Variants in SLC15A2 observed in about 807,000 individuals in gnomAD.
The protein encoded by SLC15A2 is kidney H(+)/peptide cotransporter.
SLC15A2 carries 77 observed loss-of-function variants against 95.5 expected under a neutral mutation model. The ratio of observed to expected loss-of-function variants is 0.81; its 90% CI spans 0.67 to 0.97. The LOEUF is 0.97. SLC15A2 is among the 50% of genes least tolerant of loss of function. SLC15A2 has a pLI of 0.00. For synonymous variants in SLC15A2, 306 were observed against 306.9 expected (o/e 1.00, Z 0.03); for missense variants, 893 against 874.4 (o/e 1.02, Z -0.27).
In SLC15A2 at chr3:121,942,467, C is replaced by T. The variant is rs1410774798; in HGVS notation, c.*1460C>T. 1 of 152,154 alleles carries T rather than the reference C, an allele frequency of 6.6e-6. No individual in the cohort carries two copies. Among genetic ancestry groups the T allele is most frequent in the African/African-American group, 2.4e-5 (1 of 41,436 alleles). 9.4% of individuals were successfully genotyped at this position (152,154 alleles called of 1,614,324 possible). A position where few individuals can be genotyped will look rare whatever the true frequency, so the allele number is the denominator to read the frequency against. ...ACGTAACAATGTTCATGTTAACAGGCACCTGTTAATATTAACAGATAATGT... is the reference window on the plus strand; with the variant it reads ...ACGTAACAATGTTCATGTTAACAGGTACCTGTTAATATTAACAGATAATGT... On this transcript the variant is annotated 3_prime_UTR_variant, in exon 22 of 22. Transcript: ENST00000489711.
At chr3:121,926,448 G>A (rs1710123836) in intron 13 of SLC15A2, among the ~76,000 whole-genome samples, 1 of 152,120 alleles carries the variant, frequency 6.6e-6, no homozygotes, top group African/African-American at 2.4e-5. Context: ...TGTTTCTCCA[G>A]AGGGTACAAG....
chr3:121,897,882 C>T lies in SLC15A2; in HGVS notation c.335+353C>T, dbSNP rs527465312. ...TCCACCAGCAAATTTCTAATTTTAGCCAGGTGCGGTGGCTCACGCCTGTAA... is the reference window on the plus strand; with the variant it reads ...TCCACCAGCAAATTTCTAATTTTAGTCAGGTGCGGTGGCTCACGCCTGTAA... On this transcript the variant is annotated intron_variant, in intron 3 of 21. Coordinates refer to ENST00000489711, the MANE Select transcript of SLC15A2 (RefSeq NM_021082.4). Among the ~76,000 whole-genome samples the T allele has an allele frequency of 5.3e-5, 8 of 152,252 alleles. No homozygotes were observed. The East Asian group carries it at 1.5e-3, about 29-fold the overall frequency.
At chr3:121,928,621 A>G in intron 15 of SLC15A2, 66 bp downstream of exon 15, 1 of 1,507,302 alleles carries the variant, frequency 6.6e-7, no homozygotes, top group Non-Finnish European at 9.0e-7. Context: ...TTTCCTTAAC[A>G]TTAATTGTAT....
At chr3:121,906,897 G>T (rs529003832) in intron 3 of SLC15A2, among the ~76,000 whole-genome samples, 2 of 152,294 alleles carry the variant, frequency 1.3e-5, no homozygotes, top group African/African-American at 4.8e-5. Flanking sequence ...ATGTTGGCCT[G>T]CCTTGCTAGG....
chr3:121,907,385 G>C (rs1709672129), intron 3 of SLC15A2, among the ~76,000 whole-genome samples: 2 of 152,182 alleles, frequency 1.3e-5, no homozygotes, highest in South Asian at 2.1e-4. Context: ...GTCCAGCTTT[G>C]TTCCATTGCT....
chr3:121,915,602 C>T lies in SLC15A2; in HGVS notation c.620-14C>T. ...CTCAGAGTTACTTTCCTCCTCCCATCCCATTTTCTTTAGGAGATGTGCAAT... is the reference window on the plus strand; with the variant it reads ...CTCAGAGTTACTTTCCTCCTCCCATTCCATTTTCTTTAGGAGATGTGCAAT... On this transcript the variant is annotated splice_polypyrimidine_tract_variant and intron_variant, in intron 6 of 21. Coordinates refer to ENST00000489711, the MANE Select transcript of SLC15A2 (RefSeq NM_021082.4). 6.2e-7 allele frequency: 1 copy of T among 1,602,574 alleles called. No homozygotes were observed. Among genetic ancestry groups the T allele is most frequent in the Non-Finnish European group, 8.6e-7 (1 of 1,169,504 alleles).
chr3:121,904,003 G>C (rs1052564852), intron 3 of SLC15A2, among the ~76,000 whole-genome samples: 3 of 152,150 alleles, frequency 2.0e-5, no homozygotes, highest in Admixed American at 1.3e-4. Context: ...TCTTCCATTT[G>C]TTTGTATCCT....
At chr3:121,918,698 T>C (rs2689281) in intron 7 of SLC15A2, among the ~76,000 whole-genome samples, 67,408 of 151,490 alleles carry the variant, frequency 0.44, 15,453 homozygotes, top group East Asian at 0.69. Context: ...ATCTTGGATA[T>C]GAAGAAGATT....
intron 3 of SLC15A2, among the ~76,000 whole-genome samples, chr3:121,905,155 C>T (rs1194637730): frequency 1.3e-5 from 2 of 152,148 alleles, no homozygotes; most frequent in African/African-American, 2.4e-5. Flanking sequence ...TTATAGTATT[C>T]TCTGATGGTA....
At chr3:121,902,049 T>A (rs1709530977) in intron 3 of SLC15A2, among the ~76,000 whole-genome samples, 1 of 152,130 alleles carries the variant, frequency 6.6e-6, no homozygotes, top group Admixed American at 6.5e-5. Context: ...GCATCCAGAG[T>A]CCCTGACTCT....
intron 18 of SLC15A2, among the ~76,000 whole-genome samples, chr3:121,931,165 T>C (rs1352461947): frequency 6.6e-6 from 1 of 152,220 alleles, no homozygotes; most frequent in Non-Finnish European, 1.5e-5. Flanking sequence ...CCACACTATA[T>C]AGTTAACACA....
At chr3:121,909,097 G>C (rs1709712044) in intron 3 of SLC15A2, among the ~76,000 whole-genome samples, 1 of 151,632 alleles carries the variant, frequency 6.6e-6, no homozygotes, top group African/African-American at 2.4e-5. Context: ...GTCTTGCTCT[G>C]TCTCCCAGTC....
chr3:121,908,859 TA>T (rs1249263860), intron 3 of SLC15A2, among the ~76,000 whole-genome samples: 1 of 152,072 alleles, frequency 6.6e-6, no homozygotes, highest in Non-Finnish European at 1.5e-5. Flanking sequence ...GCTCTACACC[TA>T]ACCCTAATAC....
intron 7 of SLC15A2, among the ~76,000 whole-genome samples, chr3:121,919,443 C>T (rs2689283): frequency 0.45 from 67,869 of 151,922 alleles, 15,689 homozygotes; most frequent in East Asian, 0.69. Context: ...AGTAGGTAGC[C>T]GTCTGTGAGG....
At chr3:121,928,700 T>C (rs971655451) in intron 15 of SLC15A2, 145 bp downstream of exon 15, 2 of 933,102 alleles carry the variant, frequency 2.1e-6, no homozygotes, top group Non-Finnish European at 3.2e-6. Flanking sequence ...TAATATTCCA[T>C]TCTATAGATA....
In SLC15A2 at chr3:121,923,036, G is replaced by T. The variant is rs368428570; in HGVS notation, c.868-4G>T. 1.2e-5 allele frequency: 19 copies of T among 1,612,828 alleles called. No individual in the cohort carries two copies. The highest frequency in any genetic ancestry group is 7.7e-5 in the South Asian group (7 of 91,000). ...TTTCTGCCCATTCTTCCTCCTTTTC[G>T]CAGAAGCAGCTCATTATGGATGTAA... On this transcript the variant is annotated splice_polypyrimidine_tract_variant and splice_region_variant and intron_variant, in intron 9 of 21. Coordinates refer to ENST00000489711, the MANE Select transcript of SLC15A2 (RefSeq NM_021082.4).
In SLC15A2 at chr3:121,940,936, C is replaced by G; in HGVS notation, c.2119C>G (p.Pro707Ala). The change falls in exon 22 of 22, where the codon CCA (proline) becomes GCA (alanine). Residue 707 changes from proline (P) to alanine (A), a missense_variant. Coordinates refer to ENST00000489711, the MANE Select transcript of SLC15A2 (RefSeq NM_021082.4). ...VPVKTEDMRG[P>A]ADKHIPHIQG... is the part of the protein sequence containing the mutation. The stretch of plus-strand genomic sequence containing the variant: ...TGTAAAGACAGAGGATATGCGGGGT[C>G]CAGCAGATAAGCACATTCCTCACAT... The G allele has an allele frequency of 1.9e-6, 3 of 1,614,154 alleles. No individual in the cohort carries two copies. The highest frequency in any genetic ancestry group is 2.5e-6 in the Non-Finnish European group (3 of 1,180,008).
Position 121,897,255 on chromosome 3 carries a change from A to G in SLC15A2, c.194-133A>G, listed in dbSNP as rs1709435304. On this transcript the variant is annotated intron_variant, in intron 2 of 21. Coordinates refer to ENST00000489711, the MANE Select transcript of SLC15A2 (RefSeq NM_021082.4). ...ACTGCCTGGCAGTCACTTCTCAGTC[A>G]TGTCACTGATAGGAGTGCTGAAGGC... 3.1e-6 allele frequency: 3 copies of G among 978,280 alleles called. No individual in the cohort carries two copies. The Admixed American group carries it at 7.2e-5, about 24-fold the overall frequency. 60.6% of individuals were successfully genotyped at this position (978,280 alleles called of 1,614,324 possible). A position where few individuals can be genotyped will look rare whatever the true frequency, so the allele number is the denominator to read the frequency against.
chr3:121,925,846 G>A (rs1920318), intron 13 of SLC15A2, among the ~76,000 whole-genome samples: 1 of 138,934 alleles, frequency 7.2e-6, no homozygotes, highest in Non-Finnish European at 1.5e-5. Flanking sequence ...GCCAAGGAGA[G>A]GTAGAAAAGA....
Sources: allele counts gnomAD v4.1 joint callset (sites outside exome capture counted in the v4.1 genomes callset), GRCh38; gene constraint gnomAD v4.1.1; transcripts MANE v1.5; gene names NCBI Gene and HGNC (gene_info 2026-07-23, HGNC 2026-07-21).